The following CCDC150 variants were observed in gnomAD, a reference collection of about 807,000 sequenced individuals.
The protein encoded by CCDC150 is coiled-coil domain containing 150, also known as coiled-coil domain-containing protein 150.
CCDC150 carries 151 observed loss-of-function variants against 156.5 expected under a neutral mutation model. That is an observed-to-expected ratio of 0.97 (90% CI 0.85 to 1.10). CCDC150 has a LOEUF of 1.10. Ranked by LOEUF, CCDC150 falls within the 50% of genes least tolerant of loss-of-function variation. The pLI, the probability that CCDC150 is intolerant of heterozygous loss-of-function variation, is 0.00. For synonymous variants in CCDC150, 452 were observed against 429.4 expected, an observed-to-expected ratio of 1.05 and a Z score of -0.65; for missense variants, 1,312 against 1,268.1, an observed-to-expected ratio of 1.03 and a Z score of -0.53.
intron 27 of CCDC150, 70 bp downstream of exon 27, chr2:196,732,222 T>G: frequency 2.6e-6 from 4 of 1,539,294 alleles, no homozygotes; most frequent in Non-Finnish European, 2.7e-6. Flanking sequence ...ATTACCGAAG[T>G]TCTCTCATCA....
At chr2:196,648,899 T>C (rs903577561) in intron 2 of CCDC150, among the ~76,000 whole-genome samples, 2 of 152,204 alleles carry the variant, frequency 1.3e-5, no homozygotes, top group African/African-American at 4.8e-5. Context: ...GAGACTGTCC[T>C]TTCCCCATTG....
chr2:196,712,730 C>T lies in CCDC150; in HGVS notation c.1857C>T (p.His619=). Residue 619 remains histidine, a synonymous_variant, in exon 17 of 28, where the codon CAC becomes CAT. Transcript: ENST00000389175. The part of the protein sequence containing the change: ...KRVHLQQADA[H]LKEVKSILER... ...TACACCTGCAGCAGGCAGATGCTCACCTGAAAGAAGTATTGGTAATGAAAG... is the reference window on the plus strand; with the variant it reads ...TACACCTGCAGCAGGCAGATGCTCATCTGAAAGAAGTATTGGTAATGAAAG... The T allele has an allele frequency of 6.2e-7, 1 of 1,609,810 alleles. No individual in the cohort carries two copies. Among genetic ancestry groups the T allele is most frequent in the South Asian group, 1.1e-5 (1 of 90,104 alleles).
intron 11 of CCDC150, 119 bp from the exon 12 acceptor site, chr2:196,676,435 A>G (rs1694508756): frequency 1.5e-6 from 2 of 1,309,710 alleles, no homozygotes; most frequent in Non-Finnish European, 2.1e-6. Context: ...TAGTTTTGTT[A>G]GAACATTTTG....
rs1645728011 is a variant in CCDC150, at chr2:196,718,690, T to C, written c.1995+59T>C. 3.2e-6 allele frequency: 5 copies of C among 1,582,372 alleles called. No homozygotes were observed. The East Asian group carries it at 6.8e-5, about 21-fold the overall frequency. On this transcript the variant is annotated intron_variant, in intron 18 of 27. Coordinates refer to ENST00000389175, the MANE Select transcript of CCDC150 (RefSeq NM_001080539.2). The stretch of plus-strand genomic sequence containing the variant: ...TGAGAAGAAGCACTTATGAAATCTT[T>C]CATGAGCCATATGTTTCGCTTTCTT...
At chr2:196,677,628 G>C (rs1160721657) in intron 13 of CCDC150, among the ~76,000 whole-genome samples, 1 of 152,204 alleles carries the variant, frequency 6.6e-6, no homozygotes, top group Non-Finnish European at 1.5e-5. Context: ...TAGCCAAGAA[G>C]TCACCTGAGA....
At position 196,657,213 on chromosome 2, in the gene CCDC150, CTT is replaced by C; in HGVS notation, c.576+80_576+81del. ...AGGAGGTAACAGACCTATGACGCGA[CTT>C]TTAAAAATAGGTGATGTTGATATGA... On this transcript the variant is annotated intron_variant, in intron 4 of 27. Coordinates refer to ENST00000389175, the MANE Select transcript of CCDC150 (RefSeq NM_001080539.2). 4 of 1,392,838 alleles carry C rather than the reference CTT, an allele frequency of 2.9e-6. No homozygotes were observed. The South Asian group carries it at 3.9e-5, about 14-fold the overall frequency. The allele number at this position is 1,392,838 out of a possible 1,614,324, so 86.3% of individuals were successfully genotyped here. A position where few individuals can be genotyped will look rare whatever the true frequency, so the allele number is the denominator to read the frequency against.
intron 10 of CCDC150, 51 bp downstream of exon 10, chr2:196,674,399 C>A (rs979374084): frequency 1.6e-5 from 18 of 1,114,016 alleles, no homozygotes; most frequent in Middle Eastern, 2.0e-4. Context: ...GTTGATAGAT[C>A]AGGAAATGTT....
In CCDC150 at chr2:196,713,209, C is replaced by T. The variant is rs1444105988; in HGVS notation, c.1866+470C>T. 4.2e-6 allele frequency: 5 copies of T among 1,186,738 alleles called. No individual in the cohort carries two copies. In the East Asian group the frequency reaches 1.1e-4, roughly 26 times the overall value. 73.5% of individuals were successfully genotyped at this position (1,186,738 alleles called of 1,614,324 possible). On this transcript the variant is annotated intron_variant, in intron 17 of 27. Transcript: ENST00000389175. ...GTCATATTTTACAGTGTGATCTCTT[C>T]ACTCTGAAAGCAGAGAAACACATTT...
chr2:196,681,346 T>C (rs1038033279), intron 13 of CCDC150, among the ~76,000 whole-genome samples: 48 of 152,150 alleles, frequency 3.2e-4, no homozygotes, highest in Non-Finnish European at 3.4e-4. Flanking sequence ...CACACACACA[T>C]ACACACACAC....
chr2:196,649,504 G>T (rs1002259272), intron 2 of CCDC150, among the ~76,000 whole-genome samples: 1 of 152,118 alleles, frequency 6.6e-6, no homozygotes, highest in Non-Finnish European at 1.5e-5. Flanking sequence ...ATGGTATACC[G>T]GTTTATAGCC....
chr2:196,731,933 G>A, intron 26 of CCDC150, 100 bp from the exon 27 acceptor site: 4 of 1,063,154 alleles, frequency 3.8e-6, no homozygotes, highest in South Asian at 3.0e-5. Context: ...GTCAGAATTT[G>A]GGTCTTTTAA....
Position 196,730,022 on chromosome 2 carries a change from T to C in CCDC150, c.2886T>C (p.Ala962=). ...TNLQKEMQML[A]KSQYDASVRN... is the part of the protein sequence containing the mutation. Reference sequence around the variant, plus strand: ...TGCAGAAAGAGATGCAGATGTTGGCTAAGAGCCAATATGATGCCTCAGTGC... The same window carrying C: ...TGCAGAAAGAGATGCAGATGTTGGCCAAGAGCCAATATGATGCCTCAGTGC... The change falls in exon 25 of 28, where the codon GCT becomes GCC. Residue 962 remains alanine (A), a synonymous_variant. Transcript: ENST00000389175. 1.9e-6 allele frequency: 3 copies of C among 1,613,824 alleles called. No homozygotes were observed. The highest frequency in any genetic ancestry group is 2.7e-5 in the African/African-American group (2 of 75,074).
intron 2 of CCDC150, among the ~76,000 whole-genome samples, chr2:196,648,566 T>C (rs1199291539): frequency 6.6e-6 from 1 of 152,210 alleles, no homozygotes; most frequent in Non-Finnish European, 1.5e-5. Flanking sequence ...TTTGCAAATA[T>C]CTTTTGCCAG....
At chr2:196,713,529 A>G in intron 17 of CCDC150, 1 of 1,550,568 alleles carries the variant, frequency 6.4e-7, no homozygotes. Context: ...CCTTCTATGA[A>G]AACATCTCAG....
At chr2:196,669,705 A>G (rs1433700427) in intron 7 of CCDC150, 128 bp from the exon 8 acceptor site, 7 of 642,534 alleles carry the variant, frequency 1.1e-5, no homozygotes, top group African/African-American at 1.9e-5. Context: ...CTATAAAAAT[A>G]TTATAGAAAT....
Position 196,725,951 on chromosome 2 carries a change from T to C in CCDC150, c.2430-22T>C, listed in dbSNP as rs370443133. On this transcript the variant is annotated intron_variant, in intron 21 of 27. Transcript: ENST00000389175. ...TAAAATGATTTCTAAAGGTGACTTA[T>C]CACCTCTCTTCTTCAAAACAGAGAC... The C allele has an allele frequency of 1.4e-5, 22 of 1,573,412 alleles. No individual in the cohort carries two copies. In the East Asian group the frequency reaches 4.4e-4, roughly 31 times the overall value.
At chr2:196,657,398 G>C in intron 4 of CCDC150, 1 of 347,530 alleles carries the variant, frequency 2.9e-6, no homozygotes, top group Non-Finnish European at 5.3e-6. Context: ...GTATGAGATA[G>C]AGCCTGTGCT....
chr2:196,676,850 C>A, intron 12 of CCDC150, 119 bp downstream of exon 12: 1 of 900,126 alleles, frequency 1.1e-6, no homozygotes, highest in Non-Finnish European at 1.7e-6. Flanking sequence ...GTCTGAGTTG[C>A]CCAGTAAAGA....
rs138260737 is a variant in CCDC150 at position 196,708,697 on chromosome 2, A to G, written c.1696-3448A>G. 7.4e-3 allele frequency among the ~76,000 whole-genome samples: 1,119 copies of G among 152,244 alleles called. 11 individuals carry two copies. Among genetic ancestry groups the G allele is most frequent in the African/African-American group, 0.026 (1,063 of 41,558 alleles). On this transcript the variant is annotated intron_variant, in intron 15 of 27. Coordinates refer to ENST00000389175, the MANE Select transcript of CCDC150 (RefSeq NM_001080539.2). ...TCCTTCAGGAGCTCTTGTAAGGCAGACCTGGTGGTGACAAAATATCTCAGC... is the reference window on the plus strand; with the variant it reads ...TCCTTCAGGAGCTCTTGTAAGGCAGGCCTGGTGGTGACAAAATATCTCAGC...
Sources: gnomAD v4.1 joint callset for allele counts (sites outside exome capture counted in the v4.1 genomes callset) on GRCh38, gnomAD v4.1.1 for gene constraint, MANE v1.5 for transcripts, NCBI Gene and HGNC (gene_info 2026-07-23, HGNC 2026-07-21) for gene names.